GC: variants seen among roughly 807,000 people sequenced by gnomAD.
GC encodes GC vitamin D binding protein, also known as vitamin D-binding protein.
In GC, 43 loss-of-function variants were observed where a neutral mutation model predicts 56.7. The ratio of observed to expected loss-of-function variants is 0.76; its 90% CI spans 0.59 to 0.98. GC has a LOEUF of 0.98. GC is among the 50% of genes least tolerant of loss of function. The pLI is 0.00. For synonymous variants in GC, 216 were observed against 202.7 expected (o/e 1.07, Z -0.56); for missense variants, 529 against 545.9 (o/e 0.97, Z 0.31).
intron 3 of GC, among the ~76,000 whole-genome samples, chr4:71,767,437 A>T (rs1252061736): frequency 6.6e-6 from 1 of 152,028 alleles, no homozygotes; most frequent in Non-Finnish European, 1.5e-5. Context: ...GAATTCAGTT[A>T]TGTGCATACA....
At chr4:71,742,423 T>C (rs902855137) in intron 12 of GC, among the ~76,000 whole-genome samples, 1 of 152,244 alleles carries the variant, frequency 6.6e-6, no homozygotes, top group South Asian at 2.1e-4. Context: ...CATGTTTCAT[T>C]GTCTTCAACG....
rs373091021 is a variant in GC, at chr4:71,794,907, C to T, written c.21+9019G>A. On this transcript the variant is annotated intron_variant, in intron 1 of 13. Coordinates refer to the GC transcript ENST00000504199. Reference sequence around the variant, plus strand: ...AACATCTTTATTTCTGCTTTCATTTCGTTATTTACCCAGTAGTCATTCAGG... The same window carrying T: ...AACATCTTTATTTCTGCTTTCATTTTGTTATTTACCCAGTAGTCATTCAGG... Among the ~76,000 whole-genome samples the T allele has an allele frequency of 3.9e-5, 6 of 152,186 alleles. No homozygotes were observed. The South Asian group carries it at 6.2e-4, about 16-fold the overall frequency.
intron 6 of GC, among the ~76,000 whole-genome samples, chr4:71,759,286 T>A (rs1040559917): frequency 6.6e-6 from 1 of 152,196 alleles, no homozygotes; most frequent in Non-Finnish European, 1.5e-5. Context: ...TTTGAATTTT[T>A]AAGATATATA....
chr4:71,792,519 T>A (rs578036715), intron 1 of GC, among the ~76,000 whole-genome samples: 66 of 152,302 alleles, frequency 4.3e-4, no homozygotes, highest in African/African-American at 1.5e-3. Context: ...TTGTTTTTTT[T>A]CTTGTAGATT....
intron 6 of GC, among the ~76,000 whole-genome samples, chr4:71,760,249 T>C (rs1487026847): frequency 6.6e-6 from 1 of 151,628 alleles, no homozygotes; most frequent in Non-Finnish European, 1.5e-5. Context: ...AGACGGGGTT[T>C]CATCGTGTTA....
At chr4:71,789,219 C>T (rs1742915466) in intron 1 of GC, among the ~76,000 whole-genome samples, 1 of 151,612 alleles carries the variant, frequency 6.6e-6, no homozygotes, top group South Asian at 2.1e-4. Flanking sequence ...CCAATATATC[C>T]TAAAACATTC....
chr4:71,789,832 A>G (rs1742927321), intron 1 of GC, among the ~76,000 whole-genome samples: 2 of 152,076 alleles, frequency 1.3e-5, no homozygotes, highest in East Asian at 3.9e-4. Context: ...CATCAGAGTG[A>G]AAGAGATGTG....
chr4:71,766,161 G>T (rs968797436), intron 3 of GC, among the ~76,000 whole-genome samples: 1 of 152,092 alleles, frequency 6.6e-6, no homozygotes, highest in Non-Finnish European at 1.5e-5. Context: ...TACATTATTT[G>T]CATTCTCTTA....
intron 1 of GC, among the ~76,000 whole-genome samples, chr4:71,773,565 C>T (rs62302167): frequency 0.21 from 31,921 of 151,936 alleles, 4,175 homozygotes; most frequent in East Asian, 0.33. Flanking sequence ...ATGGGGATAG[C>T]TAATAAGATA....
intron 1 of GC, among the ~76,000 whole-genome samples, chr4:71,774,610 A>G (rs1439306592): frequency 2.6e-5 from 4 of 152,100 alleles, no homozygotes; most frequent in African/African-American, 9.6e-5. Context: ...TTCTACAGCA[A>G]TATAAATATA....
intron 6 of GC, among the ~76,000 whole-genome samples, chr4:71,763,165 A>G (rs973616956): frequency 2.0e-5 from 3 of 152,218 alleles, no homozygotes; most frequent in African/African-American, 7.2e-5. Flanking sequence ...CTAGTGGTCA[A>G]CTATATGGAA....
At position 71,746,286 on chromosome 4, in the gene GC, A is replaced by C. The variant is rs1741360911; in HGVS notation, c.1396-81T>G. On this transcript the variant is annotated intron_variant, in intron 11 of 12. Coordinates refer to ENST00000273951, the MANE Select transcript of GC (RefSeq NM_000583.4). ...CTAGATCATGCAGAAGGTATACAAA[A>C]TCTTGAAACCTTGGTTAGGGGAGCG... 13 of 656,500 alleles carry C rather than the reference A, an allele frequency of 2.0e-5. 1 individual carries two copies. In the South Asian group the frequency reaches 2.3e-4, roughly 12 times the overall value. The allele number at this position is 656,500 out of a possible 1,614,324, so 40.7% of individuals were successfully genotyped here. A position where few individuals can be genotyped will look rare whatever the true frequency, so the allele number is the denominator to read the frequency against.
chr4:71,775,969 G>C (rs1163383998), intron 1 of GC, among the ~76,000 whole-genome samples: 1 of 151,984 alleles, frequency 6.6e-6, no homozygotes, highest in Non-Finnish European at 1.5e-5. Flanking sequence ...CCTCACACCT[G>C]TTAGAATGGC....
chr4:71,757,028 G>A lies in GC; in HGVS notation c.832-114C>T, dbSNP rs565756370. On this transcript the variant is annotated intron_variant, in intron 7 of 12. Coordinates refer to ENST00000273951, the MANE Select transcript of GC (RefSeq NM_000583.4). ...TCACATTTATGAAAGTCAGTATGAAGACTCTCAGAAAGAAAATTGGTACAA... is the reference window on the plus strand; with the variant it reads ...TCACATTTATGAAAGTCAGTATGAAAACTCTCAGAAAGAAAATTGGTACAA... The A allele has an allele frequency of 8.6e-6, 6 of 697,814 alleles. No individual in the cohort carries two copies. The African/African-American group carries it at 1.1e-4, about 12-fold the overall frequency. The allele number at this position is 697,814 out of a possible 1,614,324, so 43.2% of individuals were successfully genotyped here.
chr4:71,746,382 A>C (rs911095790), intron 11 of GC, among the ~76,000 whole-genome samples, 177 bp from the exon 12 acceptor site: 15 of 151,624 alleles, frequency 9.9e-5, no homozygotes, highest in Non-Finnish European at 1.5e-5. Context: ...TTAGCTTTAC[A>C]TCATCTCTGC....
At chr4:71,766,681 C>G (rs1742168918) in intron 3 of GC, among the ~76,000 whole-genome samples, 1 of 152,126 alleles carries the variant, frequency 6.6e-6, no homozygotes, top group Non-Finnish European at 1.5e-5. Context: ...TAACTTCTCA[C>G]CATCTTCCGT....
chr4:71,800,609 G>A (rs957598936), intron 1 of GC, among the ~76,000 whole-genome samples: 3 of 152,148 alleles, frequency 2.0e-5, no homozygotes, highest in African/African-American at 7.2e-5. Context: ...TAATGCGATT[G>A]CTGGGTCAAA....
chr4:71,783,946 C>T lies in GC; in HGVS notation c.58+15G>A, dbSNP rs1310382545. 6.4e-7 allele frequency: 1 copy of T among 1,573,610 alleles called. No individual in the cohort carries two copies. Among genetic ancestry groups the T allele is most frequent in the East Asian group, 2.3e-5 (1 of 44,228 alleles). On this transcript the variant is annotated intron_variant, in intron 1 of 12. Transcript: ENST00000273951. ...TAAGAATTCCTGTAAATGGTCACAA[C>T]AAAAGAAATCTTACCTCTCTCTAAA...
chr4:71,767,763 C>T (rs572922686), intron 3 of GC, among the ~76,000 whole-genome samples: 8 of 151,754 alleles, frequency 5.3e-5, no homozygotes, highest in African/African-American at 1.4e-4. Context: ...TACCTATCAC[C>T]GGAGCCGTGT....
Sources: allele counts gnomAD v4.1 joint callset (sites outside exome capture counted in the v4.1 genomes callset), GRCh38; gene constraint gnomAD v4.1.1; transcripts MANE v1.5; gene names NCBI Gene and HGNC (gene_info 2026-07-23, HGNC 2026-07-21).